The following TMEM108 variants were observed in gnomAD, a reference collection of about 807,000 sequenced individuals.
TMEM108 encodes transmembrane protein 108.
Under a neutral mutation model 35.1 loss-of-function variants are expected in TMEM108, and 12 were observed. The ratio of observed to expected loss-of-function variants is 0.34; its 90% confidence interval spans 0.22 to 0.55. TMEM108 has a LOEUF of 0.55. TMEM108 is among the 20% of genes least tolerant of loss of function. The pLI is 0.89. For missense variants in TMEM108, 680 were observed against 753.3 expected, an observed-to-expected ratio of 0.90 and a Z score of 1.14; for synonymous variants, 287 against 308.6, an observed-to-expected ratio of 0.93 and a Z score of 0.73.
At chr3:133,098,752 C>T (rs751566924) in intron 2 of TMEM108, among the ~76,000 whole-genome samples, 3 of 152,206 alleles carry the variant, frequency 2.0e-5, no homozygotes, top group Admixed American at 6.5e-5. Context: ...AGCTCCAAAA[C>T]GATCTCCTTT....
At chr3:133,168,599 C>A (rs571631095) in intron 2 of TMEM108, among the ~76,000 whole-genome samples, 1 of 152,284 alleles carries the variant, frequency 6.6e-6, no homozygotes, top group South Asian at 2.1e-4. Flanking sequence ...ACGGACCAAT[C>A]AGCACTCTGT....
chr3:133,071,676 A>T (rs879439683), intron 2 of TMEM108, among the ~76,000 whole-genome samples: 13 of 152,286 alleles, frequency 8.5e-5, no homozygotes, highest in Non-Finnish European at 1.3e-4. Context: ...GCCCATTTTT[A>T]AAAAATTGTG....
intron 2 of TMEM108, among the ~76,000 whole-genome samples, chr3:133,217,997 A>G (rs9968195): frequency 0.39 from 58,833 of 151,756 alleles, 11,600 homozygotes; most frequent in South Asian, 0.51. Flanking sequence ...TTGAATCTGT[A>G]TATTTCTTTA....
chr3:133,165,920 G>T (rs1185503742), intron 2 of TMEM108, among the ~76,000 whole-genome samples: 1 of 152,158 alleles, frequency 6.6e-6, no homozygotes, highest in African/African-American at 2.4e-5. Context: ...ATGTCCAAAG[G>T]TCTTTTCAGG....
At chr3:133,243,630 C>T (rs1946343969) in intron 3 of TMEM108, among the ~76,000 whole-genome samples, 1 of 152,114 alleles carries the variant, frequency 6.6e-6, no homozygotes, top group Non-Finnish European at 1.5e-5. Context: ...ACGCCATTCT[C>T]CTGCCTCAGC....
At chr3:133,116,454 A>T (rs9859610) in intron 2 of TMEM108, among the ~76,000 whole-genome samples, 32,812 of 152,086 alleles carry the variant, frequency 0.22, 4,318 homozygotes, top group Non-Finnish European at 0.3. Context: ...CTTAATATTC[A>T]TTTTTCATGA....
chr3:133,387,929 ATCTT>A, intron 4 of TMEM108: 1 of 985,424 alleles, frequency 1.0e-6, no homozygotes, highest in Non-Finnish European at 1.2e-6. Flanking sequence ...AGGCACAAAT[ATCTT>A]TCTACCTTAG....
chr3:133,052,374 G>GT (rs1943415326), intron 2 of TMEM108, among the ~76,000 whole-genome samples: 1 of 151,784 alleles, frequency 6.6e-6, no homozygotes, highest in Non-Finnish European at 1.5e-5. Flanking sequence ...AGTTCCAGAG[G>GT]TTTTTTGTTG....
rs142593803 is a variant in TMEM108, at chr3:133,179,583, A to G, written c.-46-49683A>G. On this transcript the variant is annotated intron_variant, in intron 2 of 5. Coordinates refer to ENST00000321871, the MANE Select transcript of TMEM108 (RefSeq NM_023943.4). The stretch of plus-strand genomic sequence containing the variant: ...AAAAAACCAAACACCACTTGTTCTC[A>G]CTCATAGGTGGGAATTGAACAATGA... 9.7e-3 allele frequency among the ~76,000 whole-genome samples: 1,470 copies of G among 151,832 alleles called. 21 individuals carry two copies. Among genetic ancestry groups the G allele is most frequent in the African/African-American group, 0.034 (1,392 of 41,392 alleles).
chr3:133,132,423 T>C (rs1944503014), intron 2 of TMEM108, among the ~76,000 whole-genome samples: 1 of 152,220 alleles, frequency 6.6e-6, no homozygotes, highest in African/African-American at 2.4e-5. Context: ...AAACTATTAT[T>C]GCCTGTGCTT....
chr3:133,374,533 TAA>T (rs2072774047), intron 3 of TMEM108, among the ~76,000 whole-genome samples: 1 of 137,858 alleles, frequency 7.3e-6, no homozygotes, highest in South Asian at 2.4e-4. Context: ...TGTGTATATA[TAA>T]TTTTTGTTAT....
intron 3 of TMEM108, among the ~76,000 whole-genome samples, chr3:133,297,794 A>G (rs560756812): frequency 2.6e-5 from 4 of 152,192 alleles, no homozygotes. Flanking sequence ...ATGTTGCTTT[A>G]CACTGCAGAA....
intron 3 of TMEM108, among the ~76,000 whole-genome samples, chr3:133,264,687 G>A (rs1946672749): frequency 6.6e-6 from 1 of 152,148 alleles, no homozygotes; most frequent in Admixed American, 6.5e-5. Context: ...GTATAAATTT[G>A]TGGAGAAAAC....
intron 2 of TMEM108, among the ~76,000 whole-genome samples, chr3:133,114,884 C>A (rs934212447): frequency 5.3e-5 from 8 of 152,008 alleles, no homozygotes; most frequent in Non-Finnish European, 1.0e-4. Flanking sequence ...GGGAAAAACA[C>A]CCCAGAAAAG....
At chr3:133,261,054 A>G (rs552957429) in intron 3 of TMEM108, among the ~76,000 whole-genome samples, 2 of 152,278 alleles carry the variant, frequency 1.3e-5, no homozygotes, top group Admixed American at 1.3e-4. Context: ...GCTGATGGCA[A>G]CAACAGCATC....
chr3:133,351,633 A>G (rs115190636), intron 3 of TMEM108, among the ~76,000 whole-genome samples: 1,745 of 152,310 alleles, frequency 0.011, 34 homozygotes, highest in African/African-American at 0.04. Flanking sequence ...CATAGCAGCC[A>G]TGATGGCTGT....
chr3:133,043,462 A>G (rs1204107619), intron 1 of TMEM108, among the ~76,000 whole-genome samples: 1 of 152,228 alleles, frequency 6.6e-6, no homozygotes, highest in African/African-American at 2.4e-5. Context: ...AATGATGCTA[A>G]TAGCATTTTA....
rs555726123 is a variant in TMEM108, at chr3:133,202,004, A to T, written c.-46-27262A>T. On this transcript the variant is annotated intron_variant, in intron 2 of 5. Coordinates refer to ENST00000321871, the MANE Select transcript of TMEM108 (RefSeq NM_023943.4). ...AATGATCACCATTCTAACTGGCATG[A>T]TATGATATCTCATTGTGGTTTTGAT... Among the ~76,000 whole-genome samples, 13 of 152,362 alleles carry T rather than the reference A, an allele frequency of 8.5e-5. 1 individual carries two copies. Among genetic ancestry groups the T allele is most frequent in the African/African-American group, 2.9e-4 (12 of 41,592 alleles).
intron 2 of TMEM108, among the ~76,000 whole-genome samples, chr3:133,138,041 A>T (rs1944589518): frequency 6.6e-6 from 1 of 152,220 alleles, no homozygotes; most frequent in African/African-American, 2.4e-5. Context: ...TAAAATGTTA[A>T]TAGTTTTGGA....
Sources: allele counts gnomAD v4.1 joint callset (sites outside exome capture counted in the v4.1 genomes callset), GRCh38; gene constraint gnomAD v4.1.1; transcripts MANE v1.5; gene names NCBI Gene and HGNC (gene_info 2026-07-23, HGNC 2026-07-21).